The following MAK16 variants were observed in gnomAD, a reference collection of about 807,000 sequenced individuals.
MAK16 encodes the protein protein MAK16 homolog.
A neutral mutation model predicts 49.9 loss-of-function variants in MAK16; 12 were observed. The ratio of observed to expected loss-of-function variants is 0.24; its 90% confidence interval spans 0.15 to 0.39. MAK16 has a LOEUF of 0.39. MAK16 is among the 10% of genes least tolerant of loss of function. MAK16 has a pLI of 1.00. For missense variants in MAK16, 292 were observed against 363.7 expected, an observed-to-expected ratio of 0.80 and a Z score of 1.60; for synonymous variants, 115 against 126.4, an observed-to-expected ratio of 0.91 and a Z score of 0.60.
At chr8:33,495,684 AATTTTTTTTTTTTTTTTTTTTTT>A in intron 7 of MAK16, 68 bp downstream of exon 7, 2 of 331,658 alleles carry the variant, frequency 6.0e-6, no homozygotes, top group East Asian at 9.9e-5. Context: ...ACATATTGGG[AATTTTTTTTTTTTTTTTTTTTTT>A]TTTTTTTTTT....
Position 33,498,451 on chromosome 8 carries a change from C to G in MAK16, c.725C>G (p.Ala242Gly). Residue 242 changes from alanine to glycine, a missense_variant, in exon 10 of 10, where the codon GCC becomes GGC. Physicochemically the swap from Ala to Gly is moderately conservative, Grantham distance 60 (BLOSUM62 0). Transcript: ENST00000360128. The part of the protein sequence containing the change: ...SDFEDMDKLD[A>G]SSDEDQDGKS... Reference sequence around the variant, plus strand: ...TAATAGGATATGGATAAACTGGATGCCAGCAGTGATGAAGATCAGGATGGT... The same window carrying G: ...TAATAGGATATGGATAAACTGGATGGCAGCAGTGATGAAGATCAGGATGGT... 1.2e-6 allele frequency: 2 copies of G among 1,613,852 alleles called. No individual in the cohort carries two copies. The highest frequency in any genetic ancestry group is 1.7e-6 in the Non-Finnish European group (2 of 1,179,976).
chr8:33,485,454 G>T (rs1320009195), intron 1 of MAK16: 2 of 607,368 alleles, frequency 3.3e-6, no homozygotes, highest in African/African-American at 3.7e-5. Context: ...CAGCCCATGG[G>T]GTCGATGTGT....
In MAK16 at chr8:33,499,167, C is replaced by T; in HGVS notation, c.*538C>T. The T allele has an allele frequency of 2.5e-6, 4 of 1,608,028 alleles. No homozygotes were observed. Among genetic ancestry groups the T allele is most frequent in the Non-Finnish European group, 3.4e-6 (4 of 1,174,522 alleles). On this transcript the variant is annotated 3_prime_UTR_variant, in exon 10 of 10. Coordinates refer to ENST00000360128, the MANE Select transcript of MAK16 (RefSeq NM_032509.4). ...ATCCTTTCCTCTTGGGAAAGTAATA[C>T]AAGTCTTAAGTTCCATTGTAGGGTG...
In MAK16 at chr8:33,500,779, G is replaced by A. The variant is rs561013110; in HGVS notation, c.*2150G>A. 3.0e-6 allele frequency: 1 copy of A among 328,452 alleles called. No individual in the cohort carries two copies. Among genetic ancestry groups the A allele is most frequent in the East Asian group, 6.8e-5 (1 of 14,656 alleles). The allele number at this position is 328,452 out of a possible 1,614,324, so 20.3% of individuals were successfully genotyped here. On this transcript the variant is annotated 3_prime_UTR_variant, in exon 10 of 10. Transcript: ENST00000360128. ...AAGCAACAGCTCCTTCATGGGCTGAGAAGGGGAAACCAGGATCTCCCCAAC... is the reference window on the plus strand; with the variant it reads ...AAGCAACAGCTCCTTCATGGGCTGAAAAGGGGAAACCAGGATCTCCCCAAC...
rs559919688 is a variant in MAK16, at chr8:33,494,344, G to A, written c.448-1198G>A. ...CCCACCTCGACCTCTCAAAGTGCTGGGATTACAGGCATGAGCCACCTTGCC... is the reference window on the plus strand; with the variant it reads ...CCCACCTCGACCTCTCAAAGTGCTGAGATTACAGGCATGAGCCACCTTGCC... On this transcript the variant is annotated intron_variant, in intron 6 of 9. Transcript: ENST00000360128. Among the ~76,000 whole-genome samples the A allele has an allele frequency of 3.3e-5, 5 of 152,192 alleles. 1 individual carries two copies. The highest frequency in any genetic ancestry group is 1.2e-4 in the African/African-American group (5 of 41,536).
Position 33,499,013 on chromosome 8 carries a change from C to A in MAK16, c.*384C>A. On this transcript the variant is annotated 3_prime_UTR_variant, in exon 10 of 10. Coordinates refer to ENST00000360128, the MANE Select transcript of MAK16 (RefSeq NM_032509.4). The stretch of plus-strand genomic sequence containing the variant: ...AGGAGTTCAATTTTTTCTTGTTCTA[C>A]TTTCCCTATTCTTATGGAGGTAAAA... 1 of 650,786 alleles carries A rather than the reference C, an allele frequency of 1.5e-6. No individual in the cohort carries two copies. The highest frequency in any genetic ancestry group is 1.9e-5 in the South Asian group (1 of 53,608). 40.3% of individuals were successfully genotyped at this position (650,786 alleles called of 1,614,324 possible).
chr8:33,488,572 A>C lies in MAK16; in HGVS notation c.118A>C (p.Asn40His), dbSNP rs1808723296. The C allele has an allele frequency of 6.2e-7, 1 of 1,614,074 alleles. No homozygotes were observed. The highest frequency in any genetic ancestry group is 1.7e-5 in the Admixed American group (1 of 59,974). Residue 40 changes from asparagine to histidine, a missense_variant, in exon 3 of 10, where the codon AAT (asparagine) becomes CAT (histidine). Coordinates refer to ENST00000360128, the MANE Select transcript of MAK16 (RefSeq NM_032509.4). ...TGAATATAGCCTGACTGGACTGTGT[A>C]ATCGGTCATCCTGTCCCCTGGCAAA... ...RNEYSLTGLC[N>H]RSSCPLANSQ...
chr8:33,495,132 A>C (rs1366177257), intron 6 of MAK16, among the ~76,000 whole-genome samples: 1 of 152,178 alleles, frequency 6.6e-6, no homozygotes, highest in African/African-American at 2.4e-5. Flanking sequence ...ATTTTTACCT[A>C]TTCTGTCACA....
Position 33,500,336 on chromosome 8 carries a change from G to A in MAK16, c.*1707G>A, listed in dbSNP as rs190298167. On this transcript the variant is annotated 3_prime_UTR_variant, in exon 10 of 10. Transcript: ENST00000360128. ...GTTTCAGTCTGCCTTACCTTTACCC[G>A]TCCTTGAGAACAGCGGTCCAGGAGA... The A allele has an allele frequency of 1.1e-4, 174 of 1,614,032 alleles. 2 individuals are homozygous for A. The East Asian group carries it at 3.5e-3, about 32-fold the overall frequency.
Position 33,490,278 on chromosome 8 carries a change from C to T in MAK16, c.393-7C>T, listed in dbSNP as rs747894551. On this transcript the variant is annotated splice_polypyrimidine_tract_variant and splice_region_variant and intron_variant, in intron 5 of 9. Transcript: ENST00000360128. ...GTGGATTTTCTGATATATTTTCTTT[C>T]CCTTAGGAGGAAACTTGTTCCTTTG... 17 of 1,610,150 alleles carry T rather than the reference C, an allele frequency of 1.1e-5. No homozygotes were observed. The highest frequency in any genetic ancestry group is 1.4e-5 in the Non-Finnish European group (17 of 1,176,770).
At chr8:33,491,135 A>T (rs986875996) in intron 6 of MAK16, among the ~76,000 whole-genome samples, 14 of 152,338 alleles carry the variant, frequency 9.2e-5, no homozygotes, top group Admixed American at 1.3e-4. Flanking sequence ...TAATGGCTGG[A>T]TAGTACTCTA....
chr8:33,490,927 C>G (rs1323092867), intron 6 of MAK16, among the ~76,000 whole-genome samples: 1 of 152,118 alleles, frequency 6.6e-6, no homozygotes, highest in Admixed American at 6.6e-5. Context: ...TAATCATCCC[C>G]ACCCCCATTA....
chr8:33,493,784 G>A (rs1378207956), intron 6 of MAK16, among the ~76,000 whole-genome samples: 1 of 152,160 alleles, frequency 6.6e-6, no homozygotes, highest in Non-Finnish European at 1.5e-5. Context: ...AGATTTGGAA[G>A]AGTTTTAAAT....
chr8:33,499,080 T>C lies in MAK16; in HGVS notation c.*451T>C. Reference sequence around the variant, plus strand: ...AAAAGCAGCTTTCACTTACAAAGTTTCGTGTAAAAATATCTTTTTTTCTTA... The same window carrying C: ...AAAAGCAGCTTTCACTTACAAAGTTCCGTGTAAAAATATCTTTTTTTCTTA... On this transcript the variant is annotated 3_prime_UTR_variant, in exon 10 of 10. Coordinates refer to ENST00000360128, the MANE Select transcript of MAK16 (RefSeq NM_032509.4). The C allele has an allele frequency of 9.3e-7, 1 of 1,071,476 alleles. No homozygotes were observed. The highest frequency in any genetic ancestry group is 1.3e-5 in the South Asian group (1 of 74,792). 66.4% of individuals were successfully genotyped at this position (1,071,476 alleles called of 1,614,324 possible).
Position 33,500,324 on chromosome 8 carries a change from T to A in MAK16, c.*1695T>A. 6.2e-7 allele frequency: 1 copy of A among 1,614,088 alleles called. No individual in the cohort carries two copies. The highest frequency in any genetic ancestry group is 8.5e-7 in the Non-Finnish European group (1 of 1,179,974). On this transcript the variant is annotated 3_prime_UTR_variant, in exon 10 of 10. Coordinates refer to ENST00000360128, the MANE Select transcript of MAK16 (RefSeq NM_032509.4). ...AACTGAAACCAAGTTTCAGTCTGCCTTACCTTTACCCGTCCTTGAGAACAG... is the reference window on the plus strand; with the variant it reads ...AACTGAAACCAAGTTTCAGTCTGCCATACCTTTACCCGTCCTTGAGAACAG...
intron 9 of MAK16, among the ~76,000 whole-genome samples, chr8:33,497,561 G>C (rs1354418439): frequency 2.6e-5 from 4 of 151,702 alleles, no homozygotes; most frequent in African/African-American, 9.7e-5. Context: ...AGTGCAATCT[G>C]GGCTCATCGC....
chr8:33,496,779 C>A (rs1438497862), intron 8 of MAK16, 38 bp downstream of exon 8: 2 of 1,407,836 alleles, frequency 1.4e-6, no homozygotes, highest in Admixed American at 2.0e-5. Flanking sequence ...CTACTAGATA[C>A]CATTTGTATA....
At chr8:33,494,298 C>G (rs1193786557) in intron 6 of MAK16, among the ~76,000 whole-genome samples, 1 of 152,188 alleles carries the variant, frequency 6.6e-6, no homozygotes, top group East Asian at 1.9e-4. Context: ...TGGTCTTGAT[C>G]TCCTGACGTC....
intron 9 of MAK16, among the ~76,000 whole-genome samples, 158 bp from the exon 10 acceptor site, chr8:33,498,271 CAAA>C (rs35740010): frequency 3.5e-5 from 3 of 85,774 alleles, no homozygotes; most frequent in Admixed American, 1.6e-4. Context: ...GACCCCGTCT[CAAA>C]AAAAAAAAAA....
Sources: gnomAD v4.1 joint callset for allele counts (sites outside exome capture counted in the v4.1 genomes callset) on GRCh38, gnomAD v4.1.1 for gene constraint, MANE v1.5 for transcripts, NCBI Gene and HGNC (gene_info 2026-07-23, HGNC 2026-07-21) for gene names.